The following PAMR1 variants were observed in gnomAD, a reference collection of about 807,000 sequenced individuals.
The protein encoded by PAMR1 is inactive serine protease PAMR1.
PAMR1 carries 88 observed loss-of-function variants against 81.8 expected under a neutral mutation model. That is an observed-to-expected ratio of 1.08 (90% CI 0.91 to 1.28). PAMR1 has a LOEUF of 1.28. PAMR1 is among the 50% of genes most tolerant of loss of function. The probability of loss-of-function intolerance (pLI) is 0.00; values close to 1 mark genes in which losing one functional copy is unlikely to be tolerated. For missense variants in PAMR1, 935 were observed against 919.7 expected, an observed-to-expected ratio of 1.02 and a Z score of -0.21; for synonymous variants, 336 against 345.3, an observed-to-expected ratio of 0.97 and a Z score of 0.30.
chr11:35,499,244 TG>T (rs1238942323), intron 1 of PAMR1, among the ~76,000 whole-genome samples: 1 of 152,004 alleles, frequency 6.6e-6, no homozygotes, highest in Non-Finnish European at 1.5e-5. Context: ...TATCTAGACA[TG>T]GGGGTCCAGG....
chr11:35,461,753 G>A (rs1856659998), intron 6 of PAMR1, among the ~76,000 whole-genome samples: 1 of 152,078 alleles, frequency 6.6e-6, no homozygotes. Context: ...ACACCAAGGA[G>A]GACATTACAG....
upstream of PAMR1, among the ~76,000 whole-genome samples, chr11:35,526,684 G>T (rs1306792372): frequency 6.6e-6 from 1 of 152,166 alleles, no homozygotes; most frequent in Admixed American, 6.5e-5. Flanking sequence ...AGGCCCACAG[G>T]CTATAGTCTT....
In PAMR1 at chr11:35,434,563, C is replaced by A; in HGVS notation, c.1575G>T (p.Gly525=). 1.2e-6 allele frequency: 2 copies of A among 1,614,016 alleles called. No individual in the cohort carries two copies. The highest frequency in any genetic ancestry group is 1.7e-6 in the Non-Finnish European group (2 of 1,180,022). ...IKTADLKVVL[G]KFYRDDDRDE... ...CCCGGTCATCATCCCGGTAGAATTT[C>A]CCCAAAACAACTTTCAGGTCTGCTG... Residue 525 remains glycine, a synonymous_variant, in exon 10 of 11, where the codon GGG becomes GGT. Transcript: ENST00000619888.
intron 1 of PAMR1, among the ~76,000 whole-genome samples, chr11:35,522,618 T>C (rs1057253542): frequency 1.3e-5 from 2 of 152,256 alleles, no homozygotes; most frequent in African/African-American, 4.8e-5. Context: ...TTCCACCTTT[T>C]GGCTATTGGG....
chr11:35,475,031 C>G (rs1234537986), intron 3 of PAMR1, among the ~76,000 whole-genome samples: 1 of 152,170 alleles, frequency 6.6e-6, no homozygotes, highest in Non-Finnish European at 1.5e-5. Context: ...AATAACTTGT[C>G]TAGCCGCTAA....
chr11:35,525,622 G>A, upstream of PAMR1: 3 of 1,592,154 alleles, frequency 1.9e-6, no homozygotes, highest in Non-Finnish European at 8.6e-7. Context: ...CTACTGGGGA[G>A]GGAGAGGAGG....
chr11:35,474,536 A>G, intron 4 of PAMR1, 94 bp downstream of exon 4: 1 of 693,154 alleles, frequency 1.4e-6, no homozygotes, highest in Non-Finnish European at 2.4e-6. Flanking sequence ...CCAATATACA[A>G]AGGCTCCAGA....
chr11:35,502,214 G>T (rs572431532), intron 1 of PAMR1, among the ~76,000 whole-genome samples: 2 of 152,102 alleles, frequency 1.3e-5, no homozygotes, highest in Non-Finnish European at 2.9e-5. Flanking sequence ...TTTGAGAAAT[G>T]TCTATTCAGA....
chr11:35,473,041 G>A (rs138712095), intron 4 of PAMR1, among the ~76,000 whole-genome samples: 1 of 152,204 alleles, frequency 6.6e-6, no homozygotes, highest in Admixed American at 6.5e-5. Flanking sequence ...CTCAGTGGGA[G>A]ATGGGTGTGG....
At chr11:35,525,378 C>A in intron 1 of PAMR1, 135 bp downstream of exon 1, 1 of 674,618 alleles carries the variant, frequency 1.5e-6, no homozygotes, top group Non-Finnish European at 2.6e-6. Context: ...AGCACCACCC[C>A]CCCTCAACCC....
intron 3 of PAMR1, among the ~76,000 whole-genome samples, chr11:35,480,690 T>C (rs1850374339): frequency 6.6e-6 from 1 of 152,232 alleles, no homozygotes; most frequent in Non-Finnish European, 1.5e-5. Flanking sequence ...TTTCTTTTTC[T>C]TTTTTTATTA....
intron 1 of PAMR1, among the ~76,000 whole-genome samples, chr11:35,517,657 T>A (rs1359623367): frequency 6.6e-6 from 1 of 152,260 alleles, no homozygotes; most frequent in Non-Finnish European, 1.5e-5. Context: ...TATTTCATCA[T>A]AACATCCTGG....
chr11:35,509,964 A>G (rs560888217), intron 1 of PAMR1, among the ~76,000 whole-genome samples: 6 of 152,376 alleles, frequency 3.9e-5, no homozygotes, highest in African/African-American at 1.4e-4. Flanking sequence ...GAAAACACAA[A>G]GAACTCATAG....
intron 1 of PAMR1, among the ~76,000 whole-genome samples, chr11:35,514,296 G>C (rs1227670280): frequency 1.3e-5 from 2 of 152,220 alleles, no homozygotes; most frequent in Non-Finnish European, 2.9e-5. Flanking sequence ...CAGATGGCAA[G>C]GGAACGAAGG....
intron 1 of PAMR1, among the ~76,000 whole-genome samples, chr11:35,506,613 T>C (rs1850962493): frequency 6.6e-6 from 1 of 151,928 alleles, no homozygotes; most frequent in Non-Finnish European, 1.5e-5. Context: ...TTTCAGCACT[T>C]TGAACATGTT....
At chr11:35,516,087 A>C (rs1216145402) in intron 1 of PAMR1, among the ~76,000 whole-genome samples, 1 of 152,194 alleles carries the variant, frequency 6.6e-6, no homozygotes, top group East Asian at 1.9e-4. Flanking sequence ...AAGTATGTTA[A>C]ATGGATTATC....
At chr11:35,527,603 G>A (rs906376047), upstream of PAMR1, among the ~76,000 whole-genome samples, 6 of 152,146 alleles carry the variant, frequency 3.9e-5, no homozygotes, top group Non-Finnish European at 5.9e-5. Context: ...CCTTGTTGCT[G>A]GCCAACCAGT....
upstream of PAMR1, among the ~76,000 whole-genome samples, chr11:35,527,480 G>A (rs544335856): frequency 6.6e-6 from 1 of 152,128 alleles, no homozygotes; most frequent in African/African-American, 2.4e-5. Context: ...CTTCCATATC[G>A]AGATGAAATC....
intron 5 of PAMR1, among the ~76,000 whole-genome samples, chr11:35,468,771 C>T (rs760855361): frequency 2.9e-4 from 44 of 152,204 alleles, no homozygotes; most frequent in Admixed American, 4.6e-4. Flanking sequence ...TATTTGACCT[C>T]AAAGCCTGCA....
Sources: gnomAD v4.1 joint callset for allele counts (sites outside exome capture counted in the v4.1 genomes callset) on GRCh38, gnomAD v4.1.1 for gene constraint, MANE v1.5 for transcripts, NCBI Gene and HGNC (gene_info 2026-07-23, HGNC 2026-07-21) for gene names.